DIXDC1: variants seen among roughly 807,000 people sequenced by gnomAD.
DIXDC1 encodes dixin.
DIXDC1 carries 64 observed loss-of-function variants against 103.1 expected under a neutral mutation model. That is an observed-to-expected ratio of 0.62 (90% confidence interval 0.51 to 0.76). The LOEUF is 0.76. Among genes scored for constraint, DIXDC1 ranks in the 30% least tolerant of loss-of-function variants. The pLI, the probability that DIXDC1 is intolerant of heterozygous loss-of-function variation, is 0.00. For synonymous variants in DIXDC1, 266 were observed against 298.5 expected (o/e 0.89, Z 1.12); for missense variants, 759 against 834.2 (o/e 0.91, Z 1.11).
intron 4 of DIXDC1, 138 bp downstream of exon 4, chr11:111,974,392 G>A: frequency 1.3e-6 from 1 of 772,168 alleles, no homozygotes; most frequent in Non-Finnish European, 2.0e-6. Flanking sequence ...GGAGGTAGGG[G>A]AGGGCACTCT....
At position 112,021,961 on chromosome 11, in the gene DIXDC1, A is replaced by C. The variant is rs1467484776; in HGVS notation, c.*2925A>C. ...GCCACTGCACTCTAGCCTAGGCTAC[A>C]GAGCAGGACCCCATCTCCAAAAAAA... On this transcript the variant is annotated 3_prime_UTR_variant, in exon 20 of 20. Transcript: ENST00000440460. 1 of 148,638 alleles carries C rather than the reference A, an allele frequency of 6.7e-6. No individual in the cohort carries two copies. The highest frequency in any genetic ancestry group is 1.5e-5 in the Non-Finnish European group (1 of 67,568). The allele number at this position is 148,638 out of a possible 1,614,324, so 9.2% of individuals were successfully genotyped here.
chr11:112,008,144 A>AG (rs1861298975), intron 17 of DIXDC1, among the ~76,000 whole-genome samples: 1 of 151,780 alleles, frequency 6.6e-6, no homozygotes, highest in Non-Finnish European at 1.5e-5. Context: ...AAAAAAAAAA[A>AG]AAAGAAAAGC....
intron 17 of DIXDC1, among the ~76,000 whole-genome samples, chr11:112,000,705 A>AG (rs1372192680): frequency 6.6e-6 from 1 of 152,168 alleles, no homozygotes; most frequent in African/African-American, 2.4e-5. Context: ...AAAAAAAAAA[A>AG]AAAGGGCCAA....
At chr11:111,936,652 T>C (rs940098829), upstream of DIXDC1, among the ~76,000 whole-genome samples, 1 of 152,216 alleles carries the variant, frequency 6.6e-6, no homozygotes, top group East Asian at 1.9e-4. Context: ...TTTATCCTCT[T>C]TTCCCCCTTT....
chr11:111,953,897 A>C (rs1555170316), intron 1 of DIXDC1, among the ~76,000 whole-genome samples: 2 of 152,152 alleles, frequency 1.3e-5, no homozygotes. Context: ...TGGATTCAAC[A>C]AACTGCAGAT....
At chr11:111,999,603 G>C (rs1002806509) in intron 17 of DIXDC1, among the ~76,000 whole-genome samples, 3 of 152,216 alleles carry the variant, frequency 2.0e-5, no homozygotes, top group Non-Finnish European at 4.4e-5. Flanking sequence ...AGTGCCTTAT[G>C]CCTGTAATCC....
chr11:111,987,036 G>A (rs1592599032), intron 9 of DIXDC1, 112 bp downstream of exon 9: 1 of 763,968 alleles, frequency 1.3e-6, no homozygotes, highest in Non-Finnish European at 2.0e-6. Flanking sequence ...AGATCACAAG[G>A]TCAGGAGATC....
chr11:111,965,609 C>A (rs1555171423), intron 2 of DIXDC1, among the ~76,000 whole-genome samples: 1 of 152,152 alleles, frequency 6.6e-6, no homozygotes, highest in Non-Finnish European at 1.5e-5. Flanking sequence ...ACGGTAATAG[C>A]AACTGCTAGG....
At position 111,976,927 on chromosome 11, in the gene DIXDC1, G is replaced by A. The variant is rs949536074; in HGVS notation, c.656+1944G>A. 1 of 152,610 alleles carries A rather than the reference G, an allele frequency of 6.6e-6. No individual in the cohort carries two copies. Among genetic ancestry groups the A allele is most frequent in the Non-Finnish European group, 1.5e-5 (1 of 68,140 alleles). 9.5% of individuals were successfully genotyped at this position (152,610 alleles called of 1,614,324 possible). On this transcript the variant is annotated intron_variant, in intron 5 of 19. Coordinates refer to ENST00000440460, the MANE Select transcript of DIXDC1 (RefSeq NM_001037954.4). The surrounding 1 kb of genome is among the most constrained non-coding windows in gnomAD (Gnocchi z 4.3). Reference sequence around the variant, plus strand: ...TGGGGAGCGTCAGAGTCTCCACCCCGAGGAGCGGCCAGAGCCCCATGCGGG... The same window carrying A: ...TGGGGAGCGTCAGAGTCTCCACCCCAAGGAGCGGCCAGAGCCCCATGCGGG...
chr11:111,998,785 C>T lies in DIXDC1; in HGVS notation c.1756+2639C>T, dbSNP rs587635209. ...TTGAGCTCAGGCAATCCACCCACCC[C>T]GGCCTCCCAAAGTGCTGGGATTACA... On this transcript the variant is annotated intron_variant, in intron 17 of 19. Coordinates refer to ENST00000440460, the MANE Select transcript of DIXDC1 (RefSeq NM_001037954.4). This position sits in a 1 kb window ranked among gnomAD's most constrained non-coding sequence, Gnocchi z 4.1. Among the ~76,000 whole-genome samples, 9 of 152,274 alleles carry T rather than the reference C, an allele frequency of 5.9e-5. No individual in the cohort carries two copies. Among genetic ancestry groups the T allele is most frequent in the Admixed American group, 1.3e-4 (2 of 15,296 alleles).
chr11:111,973,365 T>A (rs1477778702), intron 3 of DIXDC1, among the ~76,000 whole-genome samples: 1 of 148,392 alleles, frequency 6.7e-6, no homozygotes, highest in Non-Finnish European at 1.5e-5. Context: ...AGAGTGAAAC[T>A]CCATCTCAAA....
chr11:111,971,724 GTATATC>G (rs58755877), intron 3 of DIXDC1, among the ~76,000 whole-genome samples: 4,055 of 147,774 alleles, frequency 0.027, 88 homozygotes, highest in African/African-American at 0.062. Context: ...AATGTGGTGT[GTATATC>G]TATATCTATA....
chr11:111,950,769 A>T (rs1432404430), intron 1 of DIXDC1, among the ~76,000 whole-genome samples: 3 of 152,058 alleles, frequency 2.0e-5, no homozygotes, highest in African/African-American at 7.2e-5. Flanking sequence ...AGGTGTATAT[A>T]TTTATGGGGT....
At chr11:111,966,694 C>T (rs1452560894) in intron 2 of DIXDC1, among the ~76,000 whole-genome samples, 2 of 152,200 alleles carry the variant, frequency 1.3e-5, no homozygotes, top group Non-Finnish European at 2.9e-5. Context: ...TGAGCCACCG[C>T]GTCCAGCCAA....
At chr11:111,938,977 C>T (rs950304864) in intron 1 of DIXDC1, among the ~76,000 whole-genome samples, 3 of 152,206 alleles carry the variant, frequency 2.0e-5, no homozygotes, top group African/African-American at 7.2e-5. Context: ...ACAGAAGAGC[C>T]GGGAAGCCTA....
At chr11:111,994,916 T>C (rs1555175139) in intron 14 of DIXDC1, 103 bp from the exon 15 acceptor site, 9 of 1,074,798 alleles carry the variant, frequency 8.4e-6, no homozygotes, top group African/African-American at 6.3e-5. Flanking sequence ...CAGACAATTA[T>C]ATACTTCATC....
chr11:111,950,987 G>GT (rs1966786120), intron 1 of DIXDC1, among the ~76,000 whole-genome samples: 1 of 151,902 alleles, frequency 6.6e-6, no homozygotes, highest in African/African-American at 2.4e-5. Flanking sequence ...TGCTTTTAAG[G>GT]TTTTTTAAAA....
intron 17 of DIXDC1, among the ~76,000 whole-genome samples, chr11:112,010,439 T>C: frequency 6.6e-6 from 1 of 152,156 alleles, no homozygotes; most frequent in Non-Finnish European, 1.5e-5. Context: ...CTTCACAGAA[T>C]TGGAAAAAAC....
Position 112,019,074 on chromosome 11 carries a change from A to G in DIXDC1, c.*38A>G. On this transcript the variant is annotated 3_prime_UTR_variant, in exon 20 of 20. Transcript: ENST00000440460. ...GATTGAGGGCTTATGGAACCTGGTC[A>G]CTCCCTGGCTGCTTCACTCAGGAAA... 4 of 1,557,838 alleles carry G rather than the reference A, an allele frequency of 2.6e-6. No individual in the cohort carries two copies. Among genetic ancestry groups the G allele is most frequent in the Non-Finnish European group, 3.5e-6 (4 of 1,134,674 alleles).
Sources: gnomAD v4.1 joint callset for allele counts (sites outside exome capture counted in the v4.1 genomes callset) on GRCh38, gnomAD v4.1.1 for gene constraint, Gnocchi (gnomAD v3.1) non-coding constraint, MANE v1.5 for transcripts, NCBI Gene and HGNC (gene_info 2026-07-23, HGNC 2026-07-21) for gene names.